KCNQ1: variants seen among roughly 807,000 people sequenced by gnomAD.
The protein encoded by KCNQ1 is potassium voltage-gated channel subfamily Q member 1.
In KCNQ1, 49 loss-of-function variants were observed where a neutral mutation model predicts 72.4. The observed-to-expected ratio is 0.68, with a 90% CI of 0.54 to 0.86. The LOEUF (loss-of-function observed/expected upper bound fraction) is 0.86, where lower values mean the gene tolerates loss of function less well. Ranked by LOEUF, KCNQ1 falls within the 40% of genes least tolerant of loss-of-function variation. The pLI is 0.00. For synonymous variants in KCNQ1, 450 were observed against 412.6 expected, an observed-to-expected ratio of 1.09 and a Z score of -1.10; for missense variants, 790 against 945.1, an observed-to-expected ratio of 0.84 and a Z score of 2.15.
intron 1 of KCNQ1, among the ~76,000 whole-genome samples, chr11:2,469,950 A>G (rs1193266594): frequency 6.6e-6 from 1 of 152,080 alleles, no homozygotes; most frequent in Non-Finnish European, 1.5e-5. Context: ...ATGAGCCACC[A>G]CGCCCGGCCC....
Position 2,803,209 on chromosome 11 carries a change from A to G in KCNQ1, c.1794+25172A>G, listed in dbSNP as rs1847307752. The stretch of plus-strand genomic sequence containing the variant: ...CCCTGGCTTTGCTGGAGGACCTGCC[A>G]TGGCTTTGCCAGAAGACCCTGGGAC... On this transcript the variant is annotated intron_variant, in intron 15 of 15. Transcript: ENST00000155840. This position sits in a 1 kb window ranked among gnomAD's most constrained non-coding sequence, Gnocchi z 6.4. Among the ~76,000 whole-genome samples, 1 of 152,076 alleles carries G rather than the reference A, an allele frequency of 6.6e-6. No individual in the cohort carries two copies.
chr11:2,775,003 C>T (rs1045254002), intron 12 of KCNQ1, among the ~76,000 whole-genome samples: 1 of 152,174 alleles, frequency 6.6e-6, no homozygotes, highest in African/African-American at 2.4e-5. Flanking sequence ...GCAGGAAAGC[C>T]ACTAGCTCAG....
chr11:2,535,537 C>T (rs1450097957), intron 2 of KCNQ1, among the ~76,000 whole-genome samples: 8 of 152,206 alleles, frequency 5.3e-5, no homozygotes, highest in Admixed American at 5.2e-4. Flanking sequence ...TCCTGCCTTC[C>T]CCTTTAGTGA....
chr11:2,671,700 CT>C lies in KCNQ1; in HGVS notation c.1514+9621del, dbSNP rs2133869079. ...TGACTTTGCAAGGCAATAGAGGGTA[CT>C]TGGGAAGTAGGGTGGTAGGCAAGGC... On this transcript the variant is annotated intron_variant, in intron 11 of 15. Coordinates refer to ENST00000155840, the MANE Select transcript of KCNQ1 (RefSeq NM_000218.3). The surrounding 1 kb of genome is among the most constrained non-coding windows in gnomAD (Gnocchi z 4.7). The C allele has an allele frequency of 2.5e-6, 1 of 398,706 alleles. No homozygotes were observed. Among genetic ancestry groups the C allele is most frequent in the South Asian group, 1.3e-4 (1 of 7,844 alleles). 24.7% of individuals were successfully genotyped at this position (398,706 alleles called of 1,614,324 possible).
At position 2,668,518 on chromosome 11, in the gene KCNQ1, T is replaced by C; in HGVS notation, c.1514+6437T>C. 1 of 398,648 alleles carries C rather than the reference T, an allele frequency of 2.5e-6. No individual in the cohort carries two copies. Among genetic ancestry groups the C allele is most frequent in the South Asian group, 1.3e-4 (1 of 7,862 alleles). 24.7% of individuals were successfully genotyped at this position (398,648 alleles called of 1,614,324 possible). The stretch of plus-strand genomic sequence containing the variant: ...AATGTCTAGCAGCATCAAATGGTGA[T>C]TTTAATTTGCAGTAACCTGTTGACT... On this transcript the variant is annotated intron_variant, in intron 11 of 15. Transcript: ENST00000155840. The surrounding 1 kb of genome is among the most constrained non-coding windows in gnomAD (Gnocchi z 4.3).
At chr11:2,835,545 T>A (rs1848045068) in intron 15 of KCNQ1, among the ~76,000 whole-genome samples, 1 of 152,162 alleles carries the variant, frequency 6.6e-6, no homozygotes, top group Non-Finnish European at 1.5e-5. Flanking sequence ...ATTGAGCACC[T>A]ACTGTGTGCC....
At chr11:2,521,717 A>G (rs1847385591) in intron 1 of KCNQ1, 1 of 346,086 alleles carries the variant, frequency 2.9e-6, no homozygotes, top group Non-Finnish European at 5.9e-6. Flanking sequence ...AACGCCCCCC[A>G]TGGGCTAAAG....
intron 10 of KCNQ1, chr11:2,618,897 T>C (rs1849116746): frequency 5.0e-6 from 2 of 398,324 alleles, no homozygotes; most frequent in Non-Finnish European, 4.4e-6. Context: ...TCTTTCATCT[T>C]TTTGGCTAAA....
At chr11:2,754,585 G>T (rs1024967072) in intron 11 of KCNQ1, among the ~76,000 whole-genome samples, 3 of 152,220 alleles carry the variant, frequency 2.0e-5, no homozygotes, top group Admixed American at 2.0e-4. Context: ...CCATACAAAT[G>T]TGGGACATTG....
chr11:2,659,083 T>C lies in KCNQ1; in HGVS notation c.1394-2878T>C. ...CACGCTCATCATAGTCTGCTTTTCA[T>C]CGTAGGGTCCTCCAACATCCGGGTT... On this transcript the variant is annotated intron_variant, in intron 10 of 15. Coordinates refer to ENST00000155840, the MANE Select transcript of KCNQ1 (RefSeq NM_000218.3). The surrounding 1 kb of genome is among the most constrained non-coding windows in gnomAD (Gnocchi z 4.3). The C allele has an allele frequency of 2.5e-6, 1 of 398,638 alleles. No homozygotes were observed. The highest frequency in any genetic ancestry group is 4.4e-6 in the Non-Finnish European group (1 of 226,044). 24.7% of individuals were successfully genotyped at this position (398,638 alleles called of 1,614,324 possible). A position where few individuals can be genotyped will look rare whatever the true frequency, so the allele number is the denominator to read the frequency against.
intron 10 of KCNQ1, chr11:2,610,381 T>C (rs1163335983): frequency 2.5e-6 from 1 of 398,204 alleles, no homozygotes; most frequent in Non-Finnish European, 4.4e-6. Context: ...TTAAAGAAGC[T>C]GAAAGGAGAG....
intron 2 of KCNQ1, among the ~76,000 whole-genome samples, chr11:2,534,402 C>G (rs1170156272): frequency 6.6e-6 from 1 of 152,258 alleles, no homozygotes; most frequent in South Asian, 2.1e-4. Context: ...AGCAAAGGCA[C>G]CTTTGCCCAG....
intron 10 of KCNQ1, chr11:2,614,788 T>A (rs1849034990): frequency 2.5e-6 from 1 of 398,522 alleles, no homozygotes. Flanking sequence ...TTGTTTTGAT[T>A]ACTGCAGCTT....
intron 15 of KCNQ1, among the ~76,000 whole-genome samples, chr11:2,790,751 T>C (rs1312842548): frequency 6.6e-6 from 1 of 152,136 alleles, no homozygotes; most frequent in Non-Finnish European, 1.5e-5. Context: ...GTGGGCAGTG[T>C]CACAAGCTCC....
rs1015111050 is a variant in KCNQ1 at position 2,563,998 on chromosome 11, C to A, written c.478-6630C>A. Among the ~76,000 whole-genome samples, 2 of 152,168 alleles carry A rather than the reference C, an allele frequency of 1.3e-5. No homozygotes were observed. The highest frequency in any genetic ancestry group is 2.9e-5 in the Non-Finnish European group (2 of 68,020). On this transcript the variant is annotated intron_variant, in intron 2 of 15. Transcript: ENST00000155840. The surrounding 1 kb of genome is among the most constrained non-coding windows in gnomAD (Gnocchi z 7.4). The stretch of plus-strand genomic sequence containing the variant: ...GGGCCGCTGGGTGGCCCTGAAGGCC[C>A]ACAGAATCCTTTTGGAGACCTGACC...
At chr11:2,835,395 ACT>A (rs1554930299) in intron 15 of KCNQ1, among the ~76,000 whole-genome samples, 6 of 19,566 alleles carry the variant, frequency 3.1e-4, no homozygotes, top group African/African-American at 6.6e-4. Flanking sequence ...ATAAACCCTG[ACT>A]CACACACACA....
chr11:2,560,461 C>CG (rs1377806122), intron 2 of KCNQ1, among the ~76,000 whole-genome samples: 1 of 27,566 alleles, frequency 3.6e-5, no homozygotes, highest in African/African-American at 1.6e-4. Flanking sequence ...CCTGGGGGGA[C>CG]GGGGGGTGAC....
chr11:2,706,093 G>C (rs572534513), intron 11 of KCNQ1, among the ~76,000 whole-genome samples: 2 of 152,372 alleles, frequency 1.3e-5, no homozygotes, highest in African/African-American at 2.4e-5. Flanking sequence ...CCGTGTGGCT[G>C]TGGTGGTTTT....
intron 15 of KCNQ1, among the ~76,000 whole-genome samples, chr11:2,845,680 G>A (rs1017040323): frequency 6.6e-6 from 1 of 152,184 alleles, no homozygotes; most frequent in Non-Finnish European, 1.5e-5. Context: ...ATACCTGCAA[G>A]GCAGAACCAC....
Sources: gnomAD v4.1 joint callset for allele counts (sites outside exome capture counted in the v4.1 genomes callset) on GRCh38, gnomAD v4.1.1 for gene constraint, Gnocchi (gnomAD v3.1) non-coding constraint, MANE v1.5 for transcripts, NCBI Gene and HGNC (gene_info 2026-07-23, HGNC 2026-07-21) for gene names.